QARS1: variants seen among roughly 807,000 people sequenced by gnomAD.
QARS1 encodes glutaminyl-tRNA synthetase 1.
Under a neutral mutation model 106.9 loss-of-function variants are expected in QARS1, and 79 were observed. The ratio of observed to expected loss-of-function variants is 0.74; its 90% CI spans 0.62 to 0.89. QARS1 has a LOEUF of 0.89. QARS1 is among the 40% of genes least tolerant of loss of function. QARS1 has a pLI of 0.00. For synonymous variants in QARS1, 395 were observed against 367.7 expected, an observed-to-expected ratio of 1.07 and a Z score of -0.85; for missense variants, 966 against 997.2, an observed-to-expected ratio of 0.97 and a Z score of 0.42.
rs750060365 is a variant in QARS1 at position 49,101,719 on chromosome 3, A to G, written c.704-14T>C. On this transcript the variant is annotated splice_polypyrimidine_tract_variant and intron_variant, in intron 8 of 23. Coordinates refer to ENST00000306125, the MANE Select transcript of QARS1 (RefSeq NM_005051.3). The stretch of plus-strand genomic sequence containing the variant: ...TGTAGTTCTCACCTGCCAGGACCAG[A>G]ATAAGCCTAAGGACCAGGCTGCAGC... 66 of 1,613,934 alleles carry G rather than the reference A, an allele frequency of 4.1e-5. No individual in the cohort carries two copies. The highest frequency in any genetic ancestry group is 1.9e-4 in the South Asian group (17 of 91,086).
intron 6 of QARS1, 55 bp from the exon 7 acceptor site, chr3:49,102,320 G>A: frequency 6.2e-7 from 1 of 1,613,442 alleles, no homozygotes; most frequent in South Asian, 1.1e-5. Flanking sequence ...TCTTGGATAG[G>A]GTCTTGGGAT....
Position 49,104,403 on chromosome 3 carries a change from T to A in QARS1, c.186A>T (p.Arg62=), listed in dbSNP as rs777303889. ...AGGAGAGACGCCGGGTATCCCTGAGTCGGGAGGCCAAGCCATATAACAGGA... is the reference window on the plus strand; with the variant it reads ...AGGAGAGACGCCGGGTATCCCTGAGACGGGAGGCCAAGCCATATAACAGGA... ...TGILLYGLAS[R]LRDTRRLSFL... Residue 62 remains arginine (R), a synonymous_variant, in exon 2 of 24, where the codon CGA becomes CGT. Coordinates refer to ENST00000306125, the MANE Select transcript of QARS1 (RefSeq NM_005051.3). 6.2e-7 allele frequency: 1 copy of A among 1,614,094 alleles called. No homozygotes were observed. Among genetic ancestry groups the A allele is most frequent in the South Asian group, 1.1e-5 (1 of 91,084 alleles).
intron 19 of QARS1, 59 bp downstream of exon 19, chr3:49,098,826 T>C (rs1421208076): frequency 4.6e-6 from 7 of 1,526,108 alleles, no homozygotes; most frequent in Admixed American, 1.7e-5. Flanking sequence ...GATGAGGAGA[T>C]GAAAGGTTCC....
At chr3:49,103,480 A>G in intron 4 of QARS1, 71 bp from the exon 5 acceptor site, 1 of 1,598,160 alleles carries the variant, frequency 6.3e-7, no homozygotes, top group Non-Finnish European at 8.6e-7. Context: ...TCCCAAGGAA[A>G]GGTCCTGGCT....
Position 49,096,056 on chromosome 3 carries a change from T to C in QARS1, c.2301A>G (p.Thr767=), listed in dbSNP as rs757604476. The C allele has an allele frequency of 6.2e-7, 1 of 1,613,874 alleles. No individual in the cohort carries two copies. The highest frequency in any genetic ancestry group is 1.1e-5 in the South Asian group (1 of 91,022). The change falls in exon 24 of 24, where the codon ACA becomes ACG. Residue 767 remains threonine, a synonymous_variant. Transcript: ENST00000306125. ...QGKLVFNRTV[T]LKEDPGKV ...ACACCTTTCCTGGGTCTTCCTTCAG[T>C]GTGACAGTTCGGTTAAAGACAAGCT...
At position 49,099,903 on chromosome 3, in the gene QARS1, C is replaced by T. The variant is rs1439347897; in HGVS notation, c.1296-50G>A. On this transcript the variant is annotated intron_variant, in intron 14 of 23. Coordinates refer to ENST00000306125, the MANE Select transcript of QARS1 (RefSeq NM_005051.3). ...TACCATCCAGCCCTACTCTGCCCTACCCCATGGCCCATCGCCCTGCTCGGC... is the reference window on the plus strand; with the variant it reads ...TACCATCCAGCCCTACTCTGCCCTATCCCATGGCCCATCGCCCTGCTCGGC... 7 of 1,614,064 alleles carry T rather than the reference C, an allele frequency of 4.3e-6. No homozygotes were observed. In the East Asian group the frequency reaches 1.3e-4, roughly 31 times the overall value.
intron 2 of QARS1, 170 bp from the exon 3 acceptor site, chr3:49,104,142 C>T (rs777267048): frequency 2.6e-6 from 3 of 1,145,578 alleles, no homozygotes; most frequent in South Asian, 2.5e-5. Flanking sequence ...GAGAGTGGAT[C>T]CCCCCTCAGA....
At chr3:49,102,355 C>T in intron 6 of QARS1, 64 bp downstream of exon 6, 1 of 1,612,294 alleles carries the variant, frequency 6.2e-7, no homozygotes, top group Non-Finnish European at 8.5e-7. Context: ...ACTTCCTTCC[C>T]CAGCCTGAAG....
Position 49,099,977 on chromosome 3 carries a change from G to A in QARS1, c.1279C>T (p.Arg427Cys), listed in dbSNP as rs746114521. The change falls in exon 14 of 24, where the codon CGC (arginine) becomes TGC (cysteine). Residue 427 changes from arginine (R) to cysteine (C), a missense_variant. Physicochemically the swap from Arg to Cys is radical, Grantham distance 180. Coordinates refer to ENST00000306125, the MANE Select transcript of QARS1 (RefSeq NM_005051.3). Reference sequence around the variant, plus strand: ...TACACCCACCATTTGTCCCCTGTGCGGTGGTGTGGTGTATACTTGACTCGA... The same window carrying A: ...TACACCCACCATTTGTCCCCTGTGCAGTGGTGTGGTGTATACTTGACTCGA... ...AYRVKYTPHH[R>C]TGDKWCIYPT... The A allele has an allele frequency of 1.8e-5, 29 of 1,614,052 alleles. No individual in the cohort carries two copies. The highest frequency in any genetic ancestry group is 4.0e-5 in the African/African-American group (3 of 74,900).
At chr3:49,098,304 A>G (rs2042418820) in intron 21 of QARS1, 46 bp from the exon 22 acceptor site, 1 of 1,614,210 alleles carries the variant, frequency 6.2e-7, no homozygotes, top group Non-Finnish European at 8.5e-7. Context: ...CAGCCATAGC[A>G]GGCAATGTGC....
In QARS1 at chr3:49,100,281, C is replaced by T; in HGVS notation, c.1073G>A (p.Cys358Tyr). ...ELIRRGLAYVCHQRGEELKGH... is the reference protein window; with the variant it reads ...ELIRRGLAYVYHQRGEELKGH... ...TTTGAGCTCCTCTCCTCGCTGGTGG[C>T]ACACATAAGCCAGACCCCTGTGGGG... Residue 358 changes from cysteine to tyrosine, a missense_variant, in exon 13 of 24, where the codon TGC becomes TAC. Transcript: ENST00000306125. 6.2e-7 allele frequency: 1 copy of T among 1,614,226 alleles called. No individual in the cohort carries two copies. The highest frequency in any genetic ancestry group is 8.5e-7 in the Non-Finnish European group (1 of 1,180,038).
chr3:49,098,882 T>C lies in QARS1; in HGVS notation c.1863+3A>G. 3 of 1,608,646 alleles carry C rather than the reference T, an allele frequency of 1.9e-6. No individual in the cohort carries two copies. Among genetic ancestry groups the C allele is most frequent in the Non-Finnish European group, 2.6e-6 (3 of 1,175,120 alleles). On this transcript the variant is annotated splice_donor_region_variant and intron_variant, in intron 19 of 23. Coordinates refer to ENST00000306125, the MANE Select transcript of QARS1 (RefSeq NM_005051.3). Reference sequence around the variant, plus strand: ...AACGGGACCCTCCACCCCCACAATTTACCTCCTTGAAGTCAGTCCTCTCAA... The same window carrying C: ...AACGGGACCCTCCACCCCCACAATTCACCTCCTTGAAGTCAGTCCTCTCAA...
chr3:49,096,225 A>G, intron 23 of QARS1, 146 bp from the exon 24 acceptor site: 1 of 756,344 alleles, frequency 1.3e-6, no homozygotes, highest in East Asian at 2.7e-5. Flanking sequence ...CGGGTCCTCA[A>G]TAACTTTGTG....
chr3:49,098,948 G>T lies in QARS1; in HGVS notation c.1800C>A (p.Thr600=). ...IQVPNFPADE[T]KGFHQVPFAP... Reference sequence around the variant, plus strand: ...CAAAGGGAACCTGATGGAAGCCTTTGGTCTCATCAGCTGGGAAGTTGGGCA... The same window carrying T: ...CAAAGGGAACCTGATGGAAGCCTTTTGTCTCATCAGCTGGGAAGTTGGGCA... The change falls in exon 19 of 24, where the codon ACC becomes ACA. Residue 600 remains threonine (T), a synonymous_variant. Coordinates refer to ENST00000306125, the MANE Select transcript of QARS1 (RefSeq NM_005051.3). 6.2e-7 allele frequency: 1 copy of T among 1,614,084 alleles called. No homozygotes were observed. Among genetic ancestry groups the T allele is most frequent in the Non-Finnish European group, 8.5e-7 (1 of 1,179,982 alleles).
In QARS1 at chr3:49,099,613, C is replaced by G. The variant is rs1367183765; in HGVS notation, c.1423G>C (p.Asp475His). ...SSYFWLCNAL[D>H]VYCPVQWEYG... is the part of the protein sequence containing the mutation. The stretch of plus-strand genomic sequence containing the variant: ...TCCCACTGCACAGGGCAATAGACGT[C>G]CAGTGCATTGCAAAGCCAGAAGTAG... Residue 475 changes from aspartate (D) to histidine (H), a missense_variant, in exon 16 of 24, where the codon GAC becomes CAC. Coordinates refer to ENST00000306125, the MANE Select transcript of QARS1 (RefSeq NM_005051.3). The G allele has an allele frequency of 6.2e-7, 1 of 1,614,040 alleles. No homozygotes were observed. Among genetic ancestry groups the G allele is most frequent in the Non-Finnish European group, 8.5e-7 (1 of 1,179,988 alleles).
In QARS1 at chr3:49,099,142, G is replaced by A. The variant is rs780301490; in HGVS notation, c.1726C>T (p.Arg576Trp). The A allele has an allele frequency of 2.5e-5, 40 of 1,614,026 alleles. No individual in the cohort carries two copies. Among genetic ancestry groups the A allele is most frequent in the East Asian group, 4.5e-5 (2 of 44,900 alleles). ...PRAMAVLESL[R>W]VIITNFPAAK... ...GCAGGAAAGTTGGTGATGATGACCC[G>A]TAGTGACTCCAGCACAGCCATGGCT... The change falls in exon 18 of 24, where the codon CGG becomes TGG. Residue 576 changes from arginine to tryptophan, a missense_variant. Transcript: ENST00000306125.
In QARS1 at chr3:49,098,105, C is replaced by T. The variant is rs781454677; in HGVS notation, c.2164G>A (p.Val722Met). 15 of 1,614,096 alleles carry T rather than the reference C, an allele frequency of 9.3e-6. No individual in the cohort carries two copies. The highest frequency in any genetic ancestry group is 4.5e-5 in the East Asian group (2 of 44,898). The change falls in exon 23 of 24, where the codon GTG (valine) becomes ATG (methionine). Residue 722 changes from valine to methionine, a missense_variant. By Grantham distance (21) the Val-to-Met change is conservative. Coordinates refer to ENST00000306125, the MANE Select transcript of QARS1 (RefSeq NM_005051.3). ...LSDLNLASLH[V>M]VDAALVDCSV... is the part of the protein sequence containing the mutation. ...CAGTCCACTAATGCTGCATCCACCACGTGTAGTGATGCCTGCAGGCAGGGA... is the reference window on the plus strand; with the variant it reads ...CAGTCCACTAATGCTGCATCCACCATGTGTAGTGATGCCTGCAGGCAGGGA...
At position 49,100,388 on chromosome 3, in the gene QARS1, G is replaced by A. The variant is rs200795712; in HGVS notation, c.1047C>T (p.Leu349=). Residue 349 remains leucine, a synonymous_variant, in exon 12 of 24, where the codon CTC becomes CTT. Transcript: ENST00000306125. ...CATGGCCCTGGCCTTACCTGCGGAT[G>A]AGCTCCACAGCCCACGCATATAGCT... ...FDQLYAWAVE[L]IRRGLAYVCH... is the part of the protein sequence containing the mutation. The A allele has an allele frequency of 3.3e-5, 54 of 1,614,138 alleles. 1 individual carries two copies. The highest frequency in any genetic ancestry group is 4.3e-5 in the Non-Finnish European group (51 of 1,180,054).
rs1444451939 is a variant in QARS1 at position 49,103,700 on chromosome 3, C to T, written c.382G>A (p.Ala128Thr). ...TGGGGCCGGTGCCTGTTAATAGCAGCCTCCACCTGCAGAAAGCCAAACCAT... is the reference window on the plus strand; with the variant it reads ...TGGGGCCGGTGCCTGTTAATAGCAGTCTCCACCTGCAGAAAGCCAAACCAT... The part of the protein sequence containing the change: ...TPEQIEEAVE[A>T]AINRHRPQLL... The change falls in exon 4 of 24, where the codon GCT becomes ACT. Residue 128 changes from alanine to threonine, a missense_variant. Physicochemically the swap from Ala to Thr is moderately conservative, Grantham distance 58 (BLOSUM62 0). Coordinates refer to ENST00000306125, the MANE Select transcript of QARS1 (RefSeq NM_005051.3). The T allele has an allele frequency of 6.2e-7, 1 of 1,613,570 alleles. No individual in the cohort carries two copies. The highest frequency in any genetic ancestry group is 2.2e-5 in the East Asian group (1 of 44,850).
Sources: allele counts gnomAD v4.1 joint callset, GRCh38; gene constraint gnomAD v4.1.1; transcripts MANE v1.5; gene names NCBI Gene and HGNC (gene_info 2026-07-23, HGNC 2026-07-21).